The following CEP128 variants were observed in gnomAD, a reference collection of about 807,000 sequenced individuals.
CEP128 encodes centrosomal protein 128.
CEP128 carries 132 observed loss-of-function variants against 156.7 expected under a neutral mutation model. The ratio of observed to expected loss-of-function variants is 0.84; its 90% CI spans 0.73 to 0.97. The LOEUF (loss-of-function observed/expected upper bound fraction) is 0.97, where lower values mean the gene tolerates loss of function less well. CEP128 is among the 50% of genes least tolerant of loss of function. The probability of loss-of-function intolerance (pLI) is 0.00; values close to 1 mark genes in which losing one functional copy is unlikely to be tolerated. For missense variants in CEP128, 1,252 were observed against 1,281.9 expected (o/e 0.98, Z 0.36); for synonymous variants, 469 against 448.9 (o/e 1.04, Z -0.57).
chr14:80,843,859 T>A (rs1244680233), intron 9 of CEP128, among the ~76,000 whole-genome samples: 2 of 152,018 alleles, frequency 1.3e-5, no homozygotes, highest in African/African-American at 4.8e-5. Flanking sequence ...GGAAATCTGA[T>A]GTCTATCTCT....
chr14:80,914,285 T>G (rs1033233721), intron 4 of CEP128, 37 bp downstream of exon 4: 2 of 1,488,734 alleles, frequency 1.3e-6, no homozygotes, highest in Non-Finnish European at 1.9e-6. Context: ...CCCAAAAAGG[T>G]GGGTAGGAGA....
intron 19 of CEP128, among the ~76,000 whole-genome samples, chr14:80,722,731 C>T (rs1372994555): frequency 6.6e-6 from 1 of 151,686 alleles, no homozygotes; most frequent in East Asian, 1.9e-4. Flanking sequence ...ATCTGATACC[C>T]AACTGACAAT....
intron 13 of CEP128, among the ~76,000 whole-genome samples, chr14:80,794,649 A>G (rs1204259139): frequency 6.6e-6 from 1 of 152,202 alleles, no homozygotes; most frequent in Non-Finnish European, 1.5e-5. Context: ...GAAAGTGGTT[A>G]TACTTCCTGT....
At chr14:80,946,870 G>A (rs1886357398) in intron 2 of CEP128, among the ~76,000 whole-genome samples, 1 of 152,208 alleles carries the variant, frequency 6.6e-6, no homozygotes, top group African/African-American at 2.4e-5. Context: ...GGGACGTGGT[G>A]GGAGGTGATT....
intron 14 of CEP128, among the ~76,000 whole-genome samples, chr14:80,791,574 T>C (rs934940099): frequency 2.0e-5 from 3 of 152,174 alleles, no homozygotes; most frequent in African/African-American, 7.2e-5. Flanking sequence ...GTCAGGCTCA[T>C]TGAGCCAGTT....
At chr14:80,906,548 T>C (rs1440733379) in intron 4 of CEP128, among the ~76,000 whole-genome samples, 1 of 152,138 alleles carries the variant, frequency 6.6e-6, no homozygotes. Flanking sequence ...ATGTACACTG[T>C]CCAACTTTAT....
intron 16 of CEP128, among the ~76,000 whole-genome samples, chr14:80,775,716 T>TA (rs1171126615): frequency 6.6e-6 from 1 of 152,268 alleles, no homozygotes; most frequent in Non-Finnish European, 1.5e-5. Flanking sequence ...AATATTAAAA[T>TA]AAAATCATTA....
chr14:80,645,272 CAT>C (rs1193180491), intron 19 of CEP128, among the ~76,000 whole-genome samples: 5 of 152,126 alleles, frequency 3.3e-5, no homozygotes, highest in Non-Finnish European at 7.4e-5. Flanking sequence ...AACATAATCA[CAT>C]GTTTTCCATC....
intron 19 of CEP128, among the ~76,000 whole-genome samples, chr14:80,731,197 G>A (rs1898254549): frequency 6.6e-6 from 1 of 152,186 alleles, no homozygotes; most frequent in South Asian, 2.1e-4. Flanking sequence ...AAGGCTCATT[G>A]AGGTTGACAG....
intron 23 of CEP128, among the ~76,000 whole-genome samples, chr14:80,510,583 C>T (rs144271201): frequency 1.3e-5 from 2 of 152,134 alleles, no homozygotes; most frequent in South Asian, 2.1e-4. Context: ...AATTTGGATG[C>T]CCCTTATTTC....
intron 23 of CEP128, among the ~76,000 whole-genome samples, chr14:80,514,118 A>G (rs1888382875): frequency 6.6e-6 from 1 of 152,196 alleles, no homozygotes; most frequent in Non-Finnish European, 1.5e-5. Context: ...ACCAATTGTC[A>G]ACCAGAAAAT....
chr14:80,820,174 A>G (rs1168611377), intron 13 of CEP128, among the ~76,000 whole-genome samples: 3 of 152,316 alleles, frequency 2.0e-5, no homozygotes, highest in Admixed American at 6.5e-5. Context: ...TATTAACAAT[A>G]ATTATTTTGA....
chr14:80,733,500 T>G (rs980671259), intron 19 of CEP128, among the ~76,000 whole-genome samples: 2 of 152,044 alleles, frequency 1.3e-5, no homozygotes, highest in Non-Finnish European at 2.9e-5. Flanking sequence ...GACAAACAGC[T>G]AAGAAAAACT....
At chr14:80,726,432 GA>G (rs1198157250) in intron 19 of CEP128, among the ~76,000 whole-genome samples, 1 of 152,020 alleles carries the variant, frequency 6.6e-6, no homozygotes, top group Admixed American at 6.5e-5. Context: ...CCTCCCTTTT[GA>G]AAAACATGCA....
intron 9 of CEP128, among the ~76,000 whole-genome samples, chr14:80,848,782 C>T (rs1247119408): frequency 6.6e-6 from 1 of 151,812 alleles, no homozygotes; most frequent in Non-Finnish European, 1.5e-5. Context: ...ATTAGCCAGA[C>T]ATGGTGGGAC....
rs11289797 is a variant in CEP128 at position 80,629,053 on chromosome 14, GAA to G, written c.2807-48632_2807-48631del. ...CCTTTTTAAACTCAAGCCTGTTTAAGAAAAAAAAAAAAAACAAACGGGTTTAA... is the reference window on the plus strand; with the variant it reads ...CCTTTTTAAACTCAAGCCTGTTTAAGAAAAAAAAAAAACAAACGGGTTTAA... On this transcript the variant is annotated intron_variant, in intron 19 of 24. Coordinates refer to ENST00000555265, the MANE Select transcript of CEP128 (RefSeq NM_152446.5). Among the ~76,000 whole-genome samples the G allele has an allele frequency of 1.7e-3, 251 of 144,252 alleles. 1 individual carries two copies. Among genetic ancestry groups the G allele is most frequent in the South Asian group, 0.012 (55 of 4,546 alleles). 94.6% of individuals were successfully genotyped at this position (144,252 alleles called of 152,430 possible).
At chr14:80,711,829 T>C (rs1443370750) in intron 19 of CEP128, among the ~76,000 whole-genome samples, 1 of 151,972 alleles carries the variant, frequency 6.6e-6, no homozygotes, top group Non-Finnish European at 1.5e-5. Context: ...ACCCCATAAA[T>C]ATATACACCT....
At chr14:80,922,022 T>C in intron 2 of CEP128, among the ~76,000 whole-genome samples, 1 of 151,436 alleles carries the variant, frequency 6.6e-6, no homozygotes, top group Non-Finnish European at 1.5e-5. Flanking sequence ...TTAATATACA[T>C]TAATGCAAAT....
intron 19 of CEP128, among the ~76,000 whole-genome samples, chr14:80,587,997 A>T (rs1291184442): frequency 1.3e-5 from 2 of 152,100 alleles, no homozygotes; most frequent in East Asian, 3.9e-4. Flanking sequence ...GGCTCAGAGA[A>T]GTGCTGGGTA....
Sources: allele counts gnomAD v4.1 joint callset (sites outside exome capture counted in the v4.1 genomes callset), GRCh38; gene constraint gnomAD v4.1.1; transcripts MANE v1.5; gene names NCBI Gene and HGNC (gene_info 2026-07-23, HGNC 2026-07-21).